The following C1orf141 variants were observed in gnomAD, a reference collection of about 807,000 sequenced individuals.
The protein encoded by C1orf141 is chromosome 1 open reading frame 141.
C1orf141 carries 19 observed loss-of-function variants against 23.2 expected under a neutral mutation model. The observed-to-expected ratio is 0.82, with a 90% CI of 0.57 to 1.20. The LOEUF (loss-of-function observed/expected upper bound fraction) is 1.20. C1orf141 is among the 50% of genes most tolerant of loss of function. The pLI, the probability that C1orf141 is intolerant of heterozygous loss-of-function variation, is 0.00. For synonymous variants in C1orf141, 153 were observed against 154.6 expected, an observed-to-expected ratio of 0.99 and a Z score of 0.08; for missense variants, 469 against 455.1, an observed-to-expected ratio of 1.03 and a Z score of -0.28.
intron 2 of C1orf141, among the ~76,000 whole-genome samples, chr1:67,127,592 T>C (rs1032017319): frequency 6.6e-6 from 1 of 152,132 alleles, no homozygotes; most frequent in Non-Finnish European, 1.5e-5. Flanking sequence ...TCTTTTTAAA[T>C]TTTTTTAATT....
intron 1 of C1orf141, among the ~76,000 whole-genome samples, chr1:67,134,519 C>T (rs1012953889): frequency 3.3e-5 from 5 of 152,192 alleles, no homozygotes; most frequent in Non-Finnish European, 5.9e-5. Flanking sequence ...AATTAAGCGG[C>T]CCCCAGAGCC....
Position 67,093,457 on chromosome 1 carries a change from A to T in C1orf141, c.751T>A (p.Cys251Ser). 1 of 1,610,988 alleles carries T rather than the reference A, an allele frequency of 6.2e-7. No individual in the cohort carries two copies. ...CCAATTATAGATTTGAGGATTTCACAATTTCTTTCTAAAATGAAATTTGTT... is the reference window on the plus strand; with the variant it reads ...CCAATTATAGATTTGAGGATTTCACTATTTCTTTCTAAAATGAAATTTGTT... ...KRTNFILERN[C>S]EILKSIIGNQ... Residue 251 changes from cysteine (C) to serine (S), a missense_variant, in exon 8 of 8, where the codon TGT (cysteine) becomes AGT (serine). Around this residue, in one of 3 missense-constraint regions of C1orf141, gnomAD observed 370 missense variants for 348.1 expected, o/e 1.06. Coordinates refer to ENST00000684719, the MANE Select transcript of C1orf141 (RefSeq NM_001276351.2).
intron 5 of C1orf141, among the ~76,000 whole-genome samples, chr1:67,107,300 C>A (rs986651187): frequency 6.6e-6 from 1 of 151,598 alleles, no homozygotes; most frequent in African/African-American, 2.4e-5. Context: ...TTCAAATAAT[C>A]CAAAGAAAGG....
At chr1:67,123,473 T>A (rs1027573204) in intron 4 of C1orf141, 2 of 152,126 alleles carry the variant, frequency 1.3e-5, no homozygotes, top group African/African-American at 4.8e-5. Flanking sequence ...TTTTGAAGTT[T>A]CCATTTTATT....
chr1:67,096,321 G>A lies in C1orf141; in HGVS notation c.347C>T (p.Ala116Val). 6.7e-7 allele frequency: 1 copy of A among 1,486,324 alleles called. No individual in the cohort carries two copies. Among genetic ancestry groups the A allele is most frequent in the South Asian group, 1.2e-5 (1 of 81,372 alleles). 92.1% of individuals were successfully genotyped at this position (1,486,324 alleles called of 1,614,324 possible). Reference sequence around the variant, plus strand: ...TTTCCTAGGTTTTTTTTCAATTTGAGCTGAAATTTTAAAAGATTTTCATAA... The same window carrying A: ...TTTCCTAGGTTTTTTTTCAATTTGAACTGAAATTTTAAAAGATTTTCATAA... ...NVKNKESEST[A>V]QIEKKPRKPL... The change falls in exon 6 of 8, where the codon GCT becomes GTT. Residue 116 changes from alanine to valine, a missense_variant and splice_region_variant. Around this residue, in one of 3 missense-constraint regions of C1orf141, gnomAD observed 370 missense variants for 348.1 expected, o/e 1.06. Transcript: ENST00000684719.
chr1:67,141,466 A>G (rs910953418), intron 1 of C1orf141, among the ~76,000 whole-genome samples: 8 of 152,130 alleles, frequency 5.3e-5, no homozygotes, highest in Non-Finnish European at 1.2e-4. Context: ...CACTCAAAAA[A>G]GTTTTTACAA....
intron 3 of C1orf141, 37 bp from the exon 4 acceptor site, chr1:67,125,946 A>G (rs778502445): frequency 4.0e-6 from 6 of 1,492,988 alleles, no homozygotes; most frequent in East Asian, 2.4e-5. Flanking sequence ...AAAAAAAAAA[A>G]AGAGTACTTT....
intron 5 of C1orf141, among the ~76,000 whole-genome samples, chr1:67,098,493 C>T (rs1468612364): frequency 6.6e-6 from 1 of 151,828 alleles, no homozygotes; most frequent in Non-Finnish European, 1.5e-5. Flanking sequence ...ACACTCCAGC[C>T]TAGGCGACAG....
At chr1:67,094,269 C>T (rs1179722518) in intron 7 of C1orf141, 1 of 152,142 alleles carries the variant, frequency 6.6e-6, no homozygotes, top group Non-Finnish European at 1.5e-5. Context: ...TTTTGCAATC[C>T]ACTGGTGATG....
At chr1:67,123,116 T>A (rs1162914439) in intron 4 of C1orf141, 10 of 151,596 alleles carry the variant, frequency 6.6e-5, no homozygotes, top group Non-Finnish European at 1.2e-4. Context: ...GGCAGAAGAA[T>A]CGCTTGAACC....
intron 5 of C1orf141, among the ~76,000 whole-genome samples, chr1:67,103,072 G>A (rs995086017): frequency 2.6e-5 from 4 of 152,058 alleles, no homozygotes; most frequent in African/African-American, 7.2e-5. Context: ...GAATCAGTGT[G>A]GTGTGGATAG....
At chr1:67,105,271 C>A (rs1299657993) in intron 5 of C1orf141, among the ~76,000 whole-genome samples, 3 of 142,670 alleles carry the variant, frequency 2.1e-5, no homozygotes, top group Non-Finnish European at 3.0e-5. Flanking sequence ...GGTTGCATTG[C>A]ACTGAGATCA....
In C1orf141 at chr1:67,114,325, A is replaced by T. The variant is rs541888375; in HGVS notation, c.346+1027T>A. On this transcript the variant is annotated intron_variant, in intron 5 of 7. Transcript: ENST00000684719. ...AAAATCTTTTCTGGAGTAACGTATC[A>T]TCACCCTAGTTCTCAAATTGTTCCT... Among the ~76,000 whole-genome samples, 7 of 152,264 alleles carry T rather than the reference A, an allele frequency of 4.6e-5. No individual in the cohort carries two copies. The East Asian group carries it at 1.2e-3, about 25-fold the overall frequency.
At chr1:67,094,089 CTGT>C (rs1331183336) in intron 7 of C1orf141, 4 of 152,590 alleles carry the variant, frequency 2.6e-5, no homozygotes, top group African/African-American at 9.7e-5. Context: ...ATCTCTACAA[CTGT>C]TATTATTGTA....
At chr1:67,100,704 T>G (rs933795823) in intron 5 of C1orf141, among the ~76,000 whole-genome samples, 12 of 152,158 alleles carry the variant, frequency 7.9e-5, no homozygotes, top group African/African-American at 2.9e-4. Flanking sequence ...TCAGATCACT[T>G]AAATCTGGGC....
intron 3 of C1orf141, 26 bp from the exon 4 acceptor site, chr1:67,125,935 A>C: frequency 6.6e-7 from 1 of 1,513,176 alleles, no homozygotes; most frequent in Non-Finnish European, 8.8e-7. Context: ...AGTGAAAAAA[A>C]AAAAAAAAAA....
At chr1:67,106,585 G>A (rs1173876795) in intron 5 of C1orf141, among the ~76,000 whole-genome samples, 2 of 152,192 alleles carry the variant, frequency 1.3e-5, no homozygotes, top group African/African-American at 4.8e-5. Context: ...TTGAACCTGG[G>A]AGGCAGAGGT....
Position 67,125,927 on chromosome 1 carries a change from TGA to T in C1orf141, c.76-20_76-19del. The T allele has an allele frequency of 2.4e-4, 265 of 1,111,452 alleles. No homozygotes were observed. Among genetic ancestry groups the T allele is most frequent in the South Asian group, 8.5e-4 (30 of 35,258 alleles). 68.8% of individuals were successfully genotyped at this position (1,111,452 alleles called of 1,614,324 possible). On this transcript the variant is annotated intron_variant, in intron 3 of 7. Coordinates refer to ENST00000684719, the MANE Select transcript of C1orf141 (RefSeq NM_001276351.2). ...CTGTTTATCTGCAGCAATGCCAAAGTGAAAAAAAAAAAAAAAAAAAGAGTACT... is the reference window on the plus strand; with the variant it reads ...CTGTTTATCTGCAGCAATGCCAAAGTAAAAAAAAAAAAAAAAAAGAGTACT...
At chr1:67,128,103 G>A (rs1007866161) in intron 2 of C1orf141, among the ~76,000 whole-genome samples, 26 of 152,120 alleles carry the variant, frequency 1.7e-4, no homozygotes, top group African/African-American at 5.8e-4. Flanking sequence ...ATAAGTAGCA[G>A]CAACTAAGCT....
Sources: allele counts gnomAD v4.1 joint callset (sites outside exome capture counted in the v4.1 genomes callset), GRCh38; gene constraint gnomAD v4.1.1; regional missense constraint gnomAD v4.1.1; transcripts MANE v1.5; gene names NCBI Gene and HGNC (gene_info 2026-07-23, HGNC 2026-07-21).